RBM5: variants seen among roughly 807,000 people sequenced by gnomAD.
RBM5 encodes the protein RNA binding motif protein 5, also known as RNA-binding protein 5.
A neutral mutation model predicts 124.6 loss-of-function variants in RBM5; 15 were observed. The observed-to-expected ratio is 0.12, with a 90% CI of 0.08 to 0.19. The LOEUF is 0.19. Ranked by LOEUF, RBM5 falls within the 10% of genes least tolerant of loss-of-function variation. The pLI is 1.00. For synonymous variants in RBM5, 337 were observed against 361.2 expected, an observed-to-expected ratio of 0.93 and a Z score of 0.76; for missense variants, 580 against 1,026.5, an observed-to-expected ratio of 0.57 and a Z score of 5.94.
chr3:50,095,099 G>A (rs1462598629), intron 4 of RBM5, among the ~76,000 whole-genome samples: 1 of 152,098 alleles, frequency 6.6e-6, no homozygotes, highest in Non-Finnish European at 1.5e-5. Context: ...TTGGGGAGGT[G>A]CTGAGACAGG....
intron 12 of RBM5, 73 bp downstream of exon 12, chr3:50,107,642 T>A: frequency 1.2e-6 from 1 of 813,438 alleles, no homozygotes; most frequent in Non-Finnish European, 2.1e-6. Context: ...ACCTCTCCTG[T>A]GGTACTCGCA....
intron 10 of RBM5, among the ~76,000 whole-genome samples, chr3:50,105,991 C>CCA (rs2091019887): frequency 6.6e-6 from 1 of 152,000 alleles, no homozygotes; most frequent in Non-Finnish European, 1.5e-5. Flanking sequence ...GTCTCACTGT[C>CCA]GCCCAGGCTG....
chr3:50,118,065 T>TG, intron 24 of RBM5: 3 of 504,502 alleles, frequency 5.9e-6, no homozygotes, highest in Middle Eastern at 5.4e-4. Context: ...AGGAATACTT[T>TG]GGGGCCCTTT....
At chr3:50,113,329 CGACT>C in intron 17 of RBM5, 50 bp from the exon 18 acceptor site, 1 of 1,533,408 alleles carries the variant, frequency 6.5e-7, no homozygotes. Flanking sequence ...AATATGTAAT[CGACT>C]GACATAGCAG....
intron 2 of RBM5, among the ~76,000 whole-genome samples, chr3:50,090,975 A>G (rs2090691656): frequency 6.6e-6 from 1 of 152,266 alleles, no homozygotes; most frequent in Non-Finnish European, 1.5e-5. Flanking sequence ...ACATGAAGAA[A>G]GAAAGAGCCA....
rs141378782 is a variant in RBM5 at position 50,099,613 on chromosome 3, G to A, written c.340-369G>A. ...CCTGGGAGGCTGAGGCAGAAGAATC[G>A]CTTGAATCCAGGAGGTGGAGGTTGA... On this transcript the variant is annotated intron_variant, in intron 4 of 24. Coordinates refer to ENST00000347869, the MANE Select transcript of RBM5 (RefSeq NM_005778.4). 1,033 of 155,828 alleles carry A rather than the reference G, an allele frequency of 6.6e-3. 17 individuals are homozygous for A. Among genetic ancestry groups the A allele is most frequent in the Non-Finnish European group, 3.9e-3 (276 of 70,446 alleles). 9.7% of individuals were successfully genotyped at this position (155,828 alleles called of 1,614,324 possible). A position where few individuals can be genotyped will look rare whatever the true frequency, so the allele number is the denominator to read the frequency against.
intron 8 of RBM5, 65 bp downstream of exon 8, chr3:50,104,373 G>A (rs1290833665): frequency 3.3e-6 from 5 of 1,499,328 alleles, no homozygotes; most frequent in Non-Finnish European, 4.6e-6. Flanking sequence ...GGGAGCAGTG[G>A]CTCACTGTAA....
chr3:50,100,061 T>G lies in RBM5; in HGVS notation c.409+10T>G, dbSNP rs1384631165. The G allele has an allele frequency of 1.2e-6, 2 of 1,611,944 alleles. No individual in the cohort carries two copies. Among genetic ancestry groups the G allele is most frequent in the African/African-American group, 2.7e-5 (2 of 74,882 alleles). Reference sequence around the variant, plus strand: ...ATGAAGAGGAAAACAGGTGAGAGCTTGCTTAGTTCCTGATATTATTGTTCT... The same window carrying G: ...ATGAAGAGGAAAACAGGTGAGAGCTGGCTTAGTTCCTGATATTATTGTTCT... On this transcript the variant is annotated intron_variant, in intron 5 of 24. Transcript: ENST00000347869. The surrounding 1 kb of genome is among the most constrained non-coding windows in gnomAD (Gnocchi z 5.1).
chr3:50,111,481 A>C (rs1422018031), intron 17 of RBM5, among the ~76,000 whole-genome samples: 1 of 152,162 alleles, frequency 6.6e-6, no homozygotes, highest in South Asian at 2.1e-4. Flanking sequence ...GGTTCAAGCA[A>C]TGCTCCTGCC....
rs764559763 is a variant in RBM5, at chr3:50,100,089, TCCCCATTCCCA to T, written c.409+41_409+51del. 1 of 1,571,036 alleles carries T rather than the reference TCCCCATTCCCA, an allele frequency of 6.4e-7. No homozygotes were observed. Among genetic ancestry groups the T allele is most frequent in the Non-Finnish European group, 8.7e-7 (1 of 1,144,676 alleles). On this transcript the variant is annotated intron_variant, in intron 5 of 24. Transcript: ENST00000347869. This position sits in a 1 kb window ranked among gnomAD's most constrained non-coding sequence, Gnocchi z 5.1. ...TTAGTTCCTGATATTATTGTTCTCT[TCCCCATTCCCA>T]CCTCAGTCCCTAAAGAACATCCTGA...
At position 50,117,983 on chromosome 3, in the gene RBM5, TG is replaced by T. The variant is rs1287107747; in HGVS notation, c.2323-347del. ...GTAGACCATGTTCATCCTGTTTATG[TG>T]AGTTCTGCTGACATTGAGCTATCCT... On this transcript the variant is annotated intron_variant, in intron 24 of 24. Coordinates refer to ENST00000347869, the MANE Select transcript of RBM5 (RefSeq NM_005778.4). This position sits in a 1 kb window ranked among gnomAD's most constrained non-coding sequence, Gnocchi z 4.2. 1 of 271,824 alleles carries T rather than the reference TG, an allele frequency of 3.7e-6. No homozygotes were observed. The highest frequency in any genetic ancestry group is 7.1e-6 in the Non-Finnish European group (1 of 140,294). The allele number at this position is 271,824 out of a possible 1,614,324, so 16.8% of individuals were successfully genotyped here. A position where few individuals can be genotyped will look rare whatever the true frequency, so the allele number is the denominator to read the frequency against.
chr3:50,106,740 G>T lies in RBM5; in HGVS notation c.856-27G>T, dbSNP rs184307851. On this transcript the variant is annotated intron_variant, in intron 10 of 24. Coordinates refer to ENST00000347869, the MANE Select transcript of RBM5 (RefSeq NM_005778.4). ...GGAGAGATTTTTAATTGCATTACAC[G>T]TTTTTTTCCTTCACATTCTCCTTCA... The T allele has an allele frequency of 1.8e-5, 27 of 1,505,764 alleles. No homozygotes were observed. The Middle Eastern group carries it at 6.8e-4, about 38-fold the overall frequency. 93.3% of individuals were successfully genotyped at this position (1,505,764 alleles called of 1,614,324 possible). A position where few individuals can be genotyped will look rare whatever the true frequency, so the allele number is the denominator to read the frequency against.
At chr3:50,116,822 T>A in intron 22 of RBM5, 1 of 471,256 alleles carries the variant, frequency 2.1e-6, no homozygotes, top group Non-Finnish European at 3.9e-6. Context: ...AGAGGGTGGC[T>A]AATTAAATAA....
At chr3:50,112,414 TAAAAAAAA>T (rs58011975) in intron 17 of RBM5, among the ~76,000 whole-genome samples, 12 of 88,220 alleles carry the variant, frequency 1.4e-4, no homozygotes, top group African/African-American at 4.4e-4. Flanking sequence ...AGACTCTGTC[TAAAAAAAA>T]AAAAAAAAAA....
At chr3:50,103,259 G>A (rs2090973672) in intron 7 of RBM5, 93 bp downstream of exon 7, 1 of 1,032,788 alleles carries the variant, frequency 9.7e-7, no homozygotes, top group Non-Finnish European at 1.5e-6. Context: ...CAAGGAAATT[G>A]TTACTCAATC....
intron 20 of RBM5, chr3:50,114,998 C>T: frequency 5.9e-6 from 1 of 170,002 alleles, no homozygotes; most frequent in Non-Finnish European, 1.2e-5. Flanking sequence ...GAAACCCCAT[C>T]TCTACTAAAA....
At chr3:50,109,180 T>C (rs1325271005) in intron 14 of RBM5, among the ~76,000 whole-genome samples, 1 of 152,162 alleles carries the variant, frequency 6.6e-6, no homozygotes, top group African/African-American at 2.4e-5. Flanking sequence ...TTCACGCCAT[T>C]CTCCTGCCTT....
intron 15 of RBM5, 64 bp from the exon 16 acceptor site, chr3:50,110,315 A>T: frequency 7.2e-7 from 1 of 1,389,072 alleles, no homozygotes; most frequent in Non-Finnish European, 1.0e-6. Context: ...GGATGATTGC[A>T]GTGATTTAGC....
At chr3:50,095,718 T>C (rs2090799784) in intron 4 of RBM5, among the ~76,000 whole-genome samples, 1 of 152,028 alleles carries the variant, frequency 6.6e-6, no homozygotes, top group Non-Finnish European at 1.5e-5. Context: ...GTAGCACCTT[T>C]ACTGTAGCCA....
Sources: gnomAD v4.1 joint callset for allele counts (sites outside exome capture counted in the v4.1 genomes callset) on GRCh38, gnomAD v4.1.1 for gene constraint, Gnocchi (gnomAD v3.1) non-coding constraint, MANE v1.5 for transcripts, NCBI Gene and HGNC (gene_info 2026-07-23, HGNC 2026-07-21) for gene names.